PPARGC1B: variants seen among roughly 807,000 people sequenced by gnomAD.
PPARGC1B encodes peroxisome proliferator-activated receptor gamma coactivator 1-beta.
PPARGC1B carries 34 observed loss-of-function variants against 101.6 expected under a neutral mutation model. The ratio of observed to expected loss-of-function variants is 0.33; its 90% CI spans 0.25 to 0.45. PPARGC1B has a LOEUF of 0.45. Ranked by LOEUF, PPARGC1B falls within the 20% of genes least tolerant of loss-of-function variation. PPARGC1B has a pLI of 1.00. For synonymous variants in PPARGC1B, 548 were observed against 539.3 expected (o/e 1.02, Z -0.22); for missense variants, 1,234 against 1,317.6 (o/e 0.94, Z 0.98).
Position 149,846,046 on chromosome 5 carries a change from G to A in PPARGC1B, c.2971+132G>A, listed in dbSNP as rs749005658. On this transcript the variant is annotated intron_variant, in intron 11 of 11. Transcript: ENST00000309241. ...ATCCCCACACCCCAGTGTGCTGCTT[G>A]GTATAACTTTGCAGCCACTTTGCCT... The A allele has an allele frequency of 9.2e-6, 10 of 1,091,236 alleles. No homozygotes were observed. In the African/African-American group the frequency reaches 1.4e-4, roughly 15 times the overall value. The allele number at this position is 1,091,236 out of a possible 1,614,324, so 67.6% of individuals were successfully genotyped here.
At chr5:149,811,358 G>T (rs1468063580) in intron 1 of PPARGC1B, among the ~76,000 whole-genome samples, 1 of 152,152 alleles carries the variant, frequency 6.6e-6, no homozygotes, top group Non-Finnish European at 1.5e-5. Context: ...AAATTTGATG[G>T]CAGTGTTGTT....
intron 1 of PPARGC1B, among the ~76,000 whole-genome samples, chr5:149,795,993 G>T (rs1179540235): frequency 2.0e-5 from 3 of 152,100 alleles, no homozygotes; most frequent in Non-Finnish European, 4.4e-5. Context: ...ATAAGAGAAG[G>T]CTCACTAAAA....
chr5:149,815,037 A>G (rs1361568731), intron 1 of PPARGC1B, among the ~76,000 whole-genome samples: 1 of 152,220 alleles, frequency 6.6e-6, no homozygotes, highest in Non-Finnish European at 1.5e-5. Flanking sequence ...CCACCTGCAG[A>G]TGGGAATGAA....
chr5:149,730,778 G>A lies in PPARGC1B; in HGVS notation c.78+358G>A, dbSNP rs1288625384. ...CAGGCTGGCGCTGGGTGCTGGAGGC[G>A]CGCCGTCAGCGCCCGGCACTTGCTG... On this transcript the variant is annotated intron_variant, in intron 1 of 11. Coordinates refer to ENST00000309241, the MANE Select transcript of PPARGC1B (RefSeq NM_133263.4). The surrounding 1 kb of genome is among the most constrained non-coding windows in gnomAD (Gnocchi z 4.0). 6.6e-6 allele frequency among the ~76,000 whole-genome samples: 1 copy of A among 152,186 alleles called. No individual in the cohort carries two copies. The highest frequency in any genetic ancestry group is 1.9e-4 in the East Asian group (1 of 5,174).
intron 1 of PPARGC1B, among the ~76,000 whole-genome samples, chr5:149,776,610 G>T (rs531483608): frequency 2.8e-4 from 42 of 152,312 alleles, no homozygotes; most frequent in African/African-American, 9.9e-4. Context: ...CTGGTTTGAT[G>T]AGAGTTGGGT....
chr5:149,829,252 C>T lies in PPARGC1B; in HGVS notation c.466-1515C>T, dbSNP rs377273596. Among the ~76,000 whole-genome samples, 7 of 152,316 alleles carry T rather than the reference C, an allele frequency of 4.6e-5. No homozygotes were observed. In the South Asian group the frequency reaches 1.4e-3, roughly 32 times the overall value. ...AGGTTTTAATCCAGCCATGTAGTCT[C>T]TCTGCCCCTGCTCATTACACCAATG... is the stretch of plus-strand genomic sequence containing the variant. On this transcript the variant is annotated intron_variant, in intron 3 of 11. Coordinates refer to ENST00000309241, the MANE Select transcript of PPARGC1B (RefSeq NM_133263.4).
intron 1 of PPARGC1B, among the ~76,000 whole-genome samples, chr5:149,766,970 T>G (rs78554852): frequency 0.022 from 3,339 of 152,252 alleles, 138 homozygotes; most frequent in African/African-American, 0.078. Context: ...CATGTTCCTT[T>G]CCAAGTTGGT....
In PPARGC1B at chr5:149,835,290, G is replaced by T. The variant is rs755089495; in HGVS notation, c.1743-11G>T. 1 of 1,613,828 alleles carries T rather than the reference G, an allele frequency of 6.2e-7. No homozygotes were observed. Among genetic ancestry groups the T allele is most frequent in the East Asian group, 2.2e-5 (1 of 44,882 alleles). ...TGCTTCTTTCCTTTCTGTCCTCCCTGCCTCCACCAGCGACCCAACTTTTGG... is the reference window on the plus strand; with the variant it reads ...TGCTTCTTTCCTTTCTGTCCTCCCTTCCTCCACCAGCGACCCAACTTTTGG... On this transcript the variant is annotated splice_polypyrimidine_tract_variant and intron_variant, in intron 6 of 11. Coordinates refer to ENST00000309241, the MANE Select transcript of PPARGC1B (RefSeq NM_133263.4).
Position 149,822,393 on chromosome 5 carries a change from C to G in PPARGC1B, c.252+1787C>G, listed in dbSNP as rs1078325. 8.3e-3 allele frequency among the ~76,000 whole-genome samples: 1,268 copies of G among 152,328 alleles called. 50 individuals carry two copies. The highest frequency in any genetic ancestry group is 0.065 in the East Asian group (338 of 5,182). On this transcript the variant is annotated intron_variant, in intron 2 of 11. Coordinates refer to ENST00000309241, the MANE Select transcript of PPARGC1B (RefSeq NM_133263.4). ...GAGCTCTGCCCTCCCAGCCCCTCTC[C>G]CTTTCATGGGCTGCACACTCCACCA...
intron 11 of PPARGC1B, chr5:149,846,226 C>A: frequency 1.8e-6 from 1 of 559,652 alleles, no homozygotes. Context: ...TCCTTGACTT[C>A]ACAGGGCCAG....
At chr5:149,829,337 C>G (rs187319507) in intron 3 of PPARGC1B, among the ~76,000 whole-genome samples, 1 of 152,180 alleles carries the variant, frequency 6.6e-6, no homozygotes, top group Non-Finnish European at 1.5e-5. Flanking sequence ...AGGTCTCTTT[C>G]CCCCAGTCCT....
At chr5:149,791,972 G>A (rs1757038602) in intron 1 of PPARGC1B, among the ~76,000 whole-genome samples, 1 of 152,208 alleles carries the variant, frequency 6.6e-6, no homozygotes, top group African/African-American at 2.4e-5. Context: ...CCTTGGCCTT[G>A]GGTTCCCTAT....
intron 1 of PPARGC1B, among the ~76,000 whole-genome samples, chr5:149,780,430 A>G (rs1206053664): frequency 6.6e-6 from 1 of 152,188 alleles, no homozygotes; most frequent in Non-Finnish European, 1.5e-5. Flanking sequence ...CTGTCTCAGC[A>G]TTGAACCTGA....
At chr5:149,822,003 G>A (rs1355067982) in intron 2 of PPARGC1B, among the ~76,000 whole-genome samples, 1 of 152,150 alleles carries the variant, frequency 6.6e-6, no homozygotes, top group Non-Finnish European at 1.5e-5. Flanking sequence ...ACCCCTCACC[G>A]CTACACTGAA....
At chr5:149,745,389 C>G (rs1347209925) in intron 1 of PPARGC1B, among the ~76,000 whole-genome samples, 1 of 152,166 alleles carries the variant, frequency 6.6e-6, no homozygotes, top group Non-Finnish European at 1.5e-5. Flanking sequence ...AATTACACAT[C>G]TGGGGCTGTC....
chr5:149,841,640 C>T, intron 9 of PPARGC1B, among the ~76,000 whole-genome samples: 1 of 152,172 alleles, frequency 6.6e-6, no homozygotes, highest in East Asian at 1.9e-4. Flanking sequence ...GTGGCTTCAA[C>T]CAGATCAAAT....
At chr5:149,775,925 C>T (rs1372978777) in intron 1 of PPARGC1B, among the ~76,000 whole-genome samples, 1 of 152,182 alleles carries the variant, frequency 6.6e-6, no homozygotes, top group African/African-American at 2.4e-5. Flanking sequence ...ATAAGTCCTT[C>T]CATTTTCCTC....
At chr5:149,792,623 C>T (rs1421176714) in intron 1 of PPARGC1B, among the ~76,000 whole-genome samples, 1 of 152,194 alleles carries the variant, frequency 6.6e-6, no homozygotes, top group Middle Eastern at 3.2e-3. Context: ...CCTGAGTTTT[C>T]CCATCTGCAA....
chr5:149,846,450 A>G (rs1195523563), intron 11 of PPARGC1B: 2 of 160,644 alleles, frequency 1.2e-5, no homozygotes, highest in Non-Finnish European at 1.4e-5. Context: ...CTTGGGCAAC[A>G]TAGTGAAATC....
Sources: allele counts gnomAD v4.1 joint callset (sites outside exome capture counted in the v4.1 genomes callset), GRCh38; gene constraint gnomAD v4.1.1; non-coding constraint Gnocchi (gnomAD v3.1); transcripts MANE v1.5; gene names NCBI Gene and HGNC (gene_info 2026-07-23, HGNC 2026-07-21).